The following TARS1 variants were observed in gnomAD, a reference collection of about 807,000 sequenced individuals.
TARS1 encodes the protein threonine--tRNA ligase 1, cytoplasmic.
In TARS1, 57 loss-of-function variants were observed where a neutral mutation model predicts 97.7. That is an observed-to-expected ratio of 0.58 (90% CI 0.47 to 0.73). The LOEUF is 0.73. TARS1 is among the 30% of genes least tolerant of loss of function. The pLI is 0.00. For missense variants in TARS1, 806 were observed against 888.3 expected, an observed-to-expected ratio of 0.91 and a Z score of 1.18; for synonymous variants, 312 against 293.7, an observed-to-expected ratio of 1.06 and a Z score of -0.64.
rs950456021 is a variant in TARS1, at chr5:33,457,819, A to G, written c.984+416A>G. Among the ~76,000 whole-genome samples, 91 of 152,216 alleles carry G rather than the reference A, an allele frequency of 6.0e-4. 1 individual carries two copies. The highest frequency in any genetic ancestry group is 2.1e-3 in the African/African-American group (88 of 41,434). ...TGTCGCACATGGATCCTGTGCTATC[A>G]TTTCCTCTACCCATTATCTCTGTTA... On this transcript the variant is annotated intron_variant, in intron 9 of 18. Transcript: ENST00000265112.
chr5:33,447,024 A>G (rs755654117), intron 2 of TARS1, among the ~76,000 whole-genome samples: 2 of 152,138 alleles, frequency 1.3e-5, no homozygotes, highest in Non-Finnish European at 2.9e-5. Context: ...GGTAGGAACC[A>G]ATCACTTGAG....
chr5:33,459,752 C>G lies in TARS1; in HGVS notation c.1141C>G (p.Arg381Gly). ...AGTCACCCCAAACATCTTCAACAGC[C>G]GACTCTGGATGACCTCGGGCCACTG... ...EVVTPNIFNS[R>G]LWMTSGHWQH... The change falls in exon 11 of 19, where the codon CGA (arginine) becomes GGA (glycine). Residue 381 changes from arginine to glycine, a missense_variant. This residue lies in a region of TARS1 where 446 missense variants were observed against 511.0 expected (regional missense o/e 0.87). Coordinates refer to ENST00000265112, the MANE Select transcript of TARS1 (RefSeq NM_152295.5). 1.2e-6 allele frequency: 2 copies of G among 1,614,092 alleles called. No individual in the cohort carries two copies. Among genetic ancestry groups the G allele is most frequent in the Non-Finnish European group, 1.7e-6 (2 of 1,180,018 alleles).
intron 1 of TARS1, among the ~76,000 whole-genome samples, chr5:33,442,192 T>A (rs1017009309): frequency 3.9e-5 from 6 of 152,148 alleles, no homozygotes; most frequent in African/African-American, 1.4e-4. Flanking sequence ...TTCTTGATTG[T>A]CCACTCGAGA....
chr5:33,458,960 T>G (rs1243457513), intron 10 of TARS1, among the ~76,000 whole-genome samples: 1 of 152,204 alleles, frequency 6.6e-6, no homozygotes. Flanking sequence ...TACATTGCTT[T>G]TTTCCTTTGT....
intron 9 of TARS1, among the ~76,000 whole-genome samples, chr5:33,457,798 G>A (rs901326679): frequency 1.3e-5 from 2 of 152,204 alleles, no homozygotes; most frequent in Non-Finnish European, 2.9e-5. Context: ...GCAGCATGTC[G>A]CACATGGATC....
At chr5:33,444,902 C>T (rs1326626909) in intron 1 of TARS1, among the ~76,000 whole-genome samples, 1 of 151,850 alleles carries the variant, frequency 6.6e-6, no homozygotes, top group Non-Finnish European at 1.5e-5. Flanking sequence ...ATGTTTGCTT[C>T]TTCCATGGCT....
rs1293413708 is a variant in TARS1 at position 33,461,914 on chromosome 5, A to G, written c.1638A>G (p.Ile546Met). The change falls in exon 15 of 19, where the codon ATA becomes ATG. Residue 546 changes from isoleucine (I) to methionine (M), a missense_variant. Around this residue, in one of 3 missense-constraint regions of TARS1, gnomAD observed 446 missense variants for 511.0 expected, o/e 0.87. Coordinates refer to ENST00000265112, the MANE Select transcript of TARS1 (RefSeq NM_152295.5). ...CAGTCTTTGCTTCTTAGATTGACAT[A>G]CAGATTAAAGATGCGATTGGGCGGT... ...DGAFYGPKID[I>M]QIKDAIGRYH... The G allele has an allele frequency of 3.1e-6, 5 of 1,613,404 alleles. No individual in the cohort carries two copies. Among genetic ancestry groups the G allele is most frequent in the Non-Finnish European group, 4.2e-6 (5 of 1,179,514 alleles).
At chr5:33,459,622 C>A in intron 10 of TARS1, 73 bp from the exon 11 acceptor site, 1 of 1,546,982 alleles carries the variant, frequency 6.5e-7, no homozygotes, top group Non-Finnish European at 8.9e-7. Context: ...TAAAATCACT[C>A]TTTAAGTTTT....
chr5:33,465,247 A>G (rs1274486454), intron 17 of TARS1, among the ~76,000 whole-genome samples: 1 of 152,094 alleles, frequency 6.6e-6, no homozygotes, highest in Non-Finnish European at 1.5e-5. Context: ...GTATGTGAAA[A>G]CTCACACAGT....
chr5:33,442,725 C>T (rs1418144997), intron 1 of TARS1, among the ~76,000 whole-genome samples: 4 of 151,362 alleles, frequency 2.6e-5, no homozygotes, highest in African/African-American at 9.8e-5. Context: ...AGGATGGTCT[C>T]GATCTCCTGA....
Position 33,456,320 on chromosome 5 carries a change from G to A in TARS1, c.837+93G>A, listed in dbSNP as rs142214103. On this transcript the variant is annotated intron_variant, in intron 8 of 18. Coordinates refer to ENST00000265112, the MANE Select transcript of TARS1 (RefSeq NM_152295.5). ...TGATTTCTCTTTACCATTTTCTGTT[G>A]CACATGAAAGGATGGTATTTTCTCA... 4,450 of 1,001,874 alleles carry A rather than the reference G, an allele frequency of 4.4e-3. 17 individuals are homozygous for A. Among genetic ancestry groups the A allele is most frequent in the Admixed American group, 6.0e-3 (253 of 42,150 alleles). The allele number at this position is 1,001,874 out of a possible 1,614,324, so 62.1% of individuals were successfully genotyped here.
At chr5:33,451,565 G>T (rs1413860474) in intron 3 of TARS1, among the ~76,000 whole-genome samples, 1 of 151,904 alleles carries the variant, frequency 6.6e-6, no homozygotes, top group East Asian at 1.9e-4. Flanking sequence ...AGTAGAGACG[G>T]GGTTTCACTG....
chr5:33,443,534 C>G (rs573860873), intron 1 of TARS1, among the ~76,000 whole-genome samples: 3 of 148,988 alleles, frequency 2.0e-5, no homozygotes, highest in Non-Finnish European at 3.0e-5. Context: ...GCTCTGTCTC[C>G]CAGGCTGGAG....
intron 3 of TARS1, 68 bp from the exon 4 acceptor site, chr5:33,453,221 C>A: frequency 3.6e-6 from 5 of 1,383,420 alleles, no homozygotes; most frequent in South Asian, 1.8e-5. Flanking sequence ...GTTTATTTTC[C>A]TGTTTTCAAA....
chr5:33,449,045 T>C (rs1051179283), intron 3 of TARS1, among the ~76,000 whole-genome samples: 3 of 152,184 alleles, frequency 2.0e-5, no homozygotes, highest in African/African-American at 7.2e-5. Context: ...TTAAATGTCT[T>C]GGTTTTGAAG....
At chr5:33,451,653 G>C (rs865966264) in intron 3 of TARS1, among the ~76,000 whole-genome samples, 2 of 152,208 alleles carry the variant, frequency 1.3e-5, no homozygotes, top group Non-Finnish European at 1.5e-5. Flanking sequence ...GATTACAGGC[G>C]TGAGCCACTG....
rs182260853 is a variant in TARS1, at chr5:33,451,892, C to T, written c.330-1397C>T. On this transcript the variant is annotated intron_variant, in intron 3 of 18. Transcript: ENST00000265112. ...TTAATCTCCTGAAAACTGTTTTACA[C>T]CAATATGATGAAATACATTTCTCTC... Among the ~76,000 whole-genome samples the T allele has an allele frequency of 2.5e-3, 382 of 152,234 alleles. 4 individuals carry two copies. The highest frequency in any genetic ancestry group is 8.9e-3 in the African/African-American group (369 of 41,522).
chr5:33,467,605 C>T lies in TARS1; in HGVS notation c.2069C>T (p.Thr690Ile). 1 of 1,613,794 alleles carries T rather than the reference C, an allele frequency of 6.2e-7. No individual in the cohort carries two copies. The change falls in exon 19 of 19, where the codon ACA becomes ATA. Residue 690 changes from threonine (T) to isoleucine (I), a missense_variant. Around this residue, in one of 3 missense-constraint regions of TARS1, gnomAD observed 446 missense variants for 511.0 expected, o/e 0.87. Coordinates refer to ENST00000265112, the MANE Select transcript of TARS1 (RefSeq NM_152295.5). Reference sequence around the variant, plus strand: ...ATCAGTGGCACTGTTAATATCCGCACAAGAGACAATAAGGTCCACGGGGAA... The same window carrying T: ...ATCAGTGGCACTGTTAATATCCGCATAAGAGACAATAAGGTCCACGGGGAA... ...EKISGTVNIR[T>I]RDNKVHGERT...
chr5:33,463,630 A>G (rs972886601), intron 16 of TARS1, 123 bp from the exon 17 acceptor site: 5 of 850,972 alleles, frequency 5.9e-6, no homozygotes, highest in East Asian at 2.7e-5. Context: ...TTTAAAGCCA[A>G]GTTTTAAAAG....
Sources: allele counts gnomAD v4.1 joint callset (sites outside exome capture counted in the v4.1 genomes callset), GRCh38; gene constraint gnomAD v4.1.1; regional missense constraint gnomAD v4.1.1; transcripts MANE v1.5; gene names NCBI Gene and HGNC (gene_info 2026-07-23, HGNC 2026-07-21).